The following SYK variants were observed in gnomAD, a reference collection of about 807,000 sequenced individuals.
SYK encodes the protein spleen associated tyrosine kinase.
SYK carries 16 observed loss-of-function variants against 77.8 expected under a neutral mutation model. The ratio of observed to expected loss-of-function variants is 0.21; its 90% CI spans 0.14 to 0.31. The LOEUF is 0.31. SYK is among the 10% of genes least tolerant of loss of function. The pLI, the probability that SYK is intolerant of heterozygous loss-of-function variation, is 1.00. For synonymous variants in SYK, 312 were observed against 308.7 expected (o/e 1.01, Z -0.11); for missense variants, 529 against 814.4 (o/e 0.65, Z 4.26).
chr9:90,801,919 G>A (rs201862175), intron 1 of SYK, 26 bp downstream of exon 1: 2 of 152,416 alleles, frequency 1.3e-5, no homozygotes, highest in Non-Finnish European at 2.9e-5. Flanking sequence ...TCCCCTACCC[G>A]GCCGGGACTT....
At chr9:90,801,706 G>A (rs1826735770), upstream of SYK, 4 of 152,340 alleles carry the variant, frequency 2.6e-5, no homozygotes, top group South Asian at 8.3e-4. Context: ...CGGTCAGCAG[G>A]GCGGGCCAGG....
At chr9:90,849,025 A>G (rs1402667159) in intron 3 of SYK, among the ~76,000 whole-genome samples, 1 of 152,212 alleles carries the variant, frequency 6.6e-6, no homozygotes, top group African/African-American at 2.4e-5. Context: ...CACAGAGGCC[A>G]GTGTCACTGG....
At chr9:90,854,381 G>A (rs568698940) in intron 3 of SYK, among the ~76,000 whole-genome samples, 25 of 152,304 alleles carry the variant, frequency 1.6e-4, no homozygotes, top group African/African-American at 5.8e-4. Flanking sequence ...AGCCCAGGAG[G>A]TTGTGAGCCT....
chr9:90,845,943 G>T (rs962395500), intron 3 of SYK, among the ~76,000 whole-genome samples: 7 of 152,160 alleles, frequency 4.6e-5, no homozygotes, highest in Non-Finnish European at 1.0e-4. Context: ...AAATACTGCA[G>T]TTTTTTTACT....
Position 90,884,488 on chromosome 9 carries a change from T to TATGTGTACATGTACATACAC in SYK, c.1582-3260_1582-3259insTGTGTACATGTACATACACA, listed in dbSNP as rs1564121290. 2.3e-3 allele frequency among the ~76,000 whole-genome samples: 203 copies of TATGTGTACATGTACATACAC among 90,102 alleles called. 71 individuals carry two copies. Among genetic ancestry groups the TATGTGTACATGTACATACAC allele is most frequent in the African/African-American group, 9.0e-3 (200 of 22,136 alleles). 59.1% of individuals were successfully genotyped at this position (90,102 alleles called of 152,430 possible). A position where few individuals can be genotyped will look rare whatever the true frequency, so the allele number is the denominator to read the frequency against. ...GTGTGTACATATACATACACACACA[T>TATGTGTACATGTACATACAC]ACACATATGTGTACATGTACATACA... On this transcript the variant is annotated intron_variant, in intron 11 of 13. Coordinates refer to ENST00000375754, the MANE Select transcript of SYK (RefSeq NM_003177.7).
At position 90,837,035 on chromosome 9, in the gene SYK, C is replaced by T. The variant is rs1259495790; in HGVS notation, c.-41-6823C>T. 1.3e-3 allele frequency among the ~76,000 whole-genome samples: 196 copies of T among 152,204 alleles called. 1 individual carries two copies. Among genetic ancestry groups the T allele is most frequent in the African/African-American group, 4.5e-3 (185 of 41,488 alleles). On this transcript the variant is annotated intron_variant, in intron 1 of 13. Transcript: ENST00000375754. Reference sequence around the variant, plus strand: ...CACTATAAGAATATAGTATATGATACATATAACATGCAAAATATGTGTTAA... The same window carrying T: ...CACTATAAGAATATAGTATATGATATATATAACATGCAAAATATGTGTTAA...
At chr9:90,834,305 A>G (rs1177915930) in intron 1 of SYK, among the ~76,000 whole-genome samples, 1 of 151,244 alleles carries the variant, frequency 6.6e-6, no homozygotes, top group African/African-American at 2.5e-5. Context: ...TCTTCTATTC[A>G]AAGTTCCCAC....
intron 1 of SYK, among the ~76,000 whole-genome samples, chr9:90,815,124 G>A (rs1825243209): frequency 6.6e-6 from 1 of 151,896 alleles, no homozygotes; most frequent in Non-Finnish European, 1.5e-5. Flanking sequence ...TAGTTTCCTT[G>A]AAACATTTGG....
chr9:90,812,752 T>TG (rs1274330754), intron 1 of SYK, among the ~76,000 whole-genome samples: 7 of 87,308 alleles, frequency 8.0e-5, no homozygotes, highest in Non-Finnish European at 1.6e-4. Flanking sequence ...TGTGTGTGTG[T>TG]GTGTGTGTGT....
chr9:90,871,158 A>G (rs1488592999), intron 7 of SYK, among the ~76,000 whole-genome samples: 1 of 152,256 alleles, frequency 6.6e-6, no homozygotes, highest in Non-Finnish European at 1.5e-5. Context: ...CTGAATTTAT[A>G]AAATTTAAAG....
intron 2 of SYK, among the ~76,000 whole-genome samples, chr9:90,845,118 T>G (rs1312098770): frequency 6.6e-6 from 1 of 152,114 alleles, no homozygotes; most frequent in African/African-American, 2.4e-5. Context: ...GTATTTTTAG[T>G]AGAGATGGGG....
rs560209439 is a variant in SYK, at chr9:90,814,529, C to G, written c.-42+12636C>G. 2.6e-5 allele frequency among the ~76,000 whole-genome samples: 4 copies of G among 152,272 alleles called. No individual in the cohort carries two copies. The South Asian group carries it at 8.3e-4, about 32-fold the overall frequency. On this transcript the variant is annotated intron_variant, in intron 1 of 13. Coordinates refer to ENST00000375754, the MANE Select transcript of SYK (RefSeq NM_003177.7). ...CATTGCTGTAGCAAGGTCTGCCAGA[C>G]ACCAAGCTGCTCTCAGCCCATCCCC...
chr9:90,845,740 T>A, intron 3 of SYK, 146 bp downstream of exon 3: 1 of 926,974 alleles, frequency 1.1e-6, no homozygotes, highest in Non-Finnish European at 1.6e-6. Flanking sequence ...TGGCCTGTTC[T>A]AAAGACATTT....
intron 7 of SYK, among the ~76,000 whole-genome samples, chr9:90,871,227 C>A (rs139291563): frequency 1.3e-5 from 2 of 152,142 alleles, no homozygotes; most frequent in East Asian, 3.8e-4. Context: ...TGCCATCTAG[C>A]GGTGGACTGA....
intron 1 of SYK, among the ~76,000 whole-genome samples, chr9:90,839,494 C>T (rs1332771903): frequency 2.0e-5 from 3 of 152,146 alleles, no homozygotes; most frequent in Admixed American, 1.3e-4. Context: ...TGCAGATGCT[C>T]CCCAAGACCC....
intron 7 of SYK, among the ~76,000 whole-genome samples, chr9:90,871,504 C>T (rs973129880): frequency 1.8e-4 from 28 of 152,240 alleles, no homozygotes; most frequent in Admixed American, 1.7e-3. Context: ...TCTTTACAAA[C>T]TCCTCAAATT....
chr9:90,844,947 T>TTTTTTTATTTTTTA (rs1388548309), intron 2 of SYK, among the ~76,000 whole-genome samples: 1 of 74,706 alleles, frequency 1.3e-5, no homozygotes, highest in African/African-American at 4.1e-5. Context: ...TTATTTTTTA[T>TTTTTTTATTTTTTA]TTTTTTGAGA....
chr9:90,842,787 G>A (rs1826425425), intron 1 of SYK, among the ~76,000 whole-genome samples: 1 of 145,846 alleles, frequency 6.9e-6, no homozygotes, highest in Admixed American at 6.9e-5. Context: ...GTGTGTGTGT[G>A]TGTGTGTGTG....
At chr9:90,832,861 T>C (rs290214) in intron 1 of SYK, among the ~76,000 whole-genome samples, 15,983 of 152,244 alleles carry the variant, frequency 0.1, 1,304 homozygotes, top group East Asian at 0.45. Flanking sequence ...GCATTTGAGA[T>C]AGCTGGGTAG....
Sources: allele counts gnomAD v4.1 joint callset (sites outside exome capture counted in the v4.1 genomes callset), GRCh38; gene constraint gnomAD v4.1.1; transcripts MANE v1.5; gene names NCBI Gene and HGNC (gene_info 2026-07-23, HGNC 2026-07-21).